The following DLG2 variants were observed in gnomAD, a reference collection of about 807,000 sequenced individuals.
DLG2 encodes discs large MAGUK scaffold protein 2.
Under a neutral mutation model 132.5 loss-of-function variants are expected in DLG2, and 45 were observed. That is an observed-to-expected ratio of 0.34 (90% CI 0.27 to 0.44). The LOEUF (loss-of-function observed/expected upper bound fraction) is 0.44. Ranked by LOEUF, DLG2 falls within the 20% of genes least tolerant of loss-of-function variation. The pLI is 1.00. For missense variants in DLG2, 1,045 were observed against 1,196.9 expected (o/e 0.87, Z 1.87); for synonymous variants, 424 against 419.6 (o/e 1.01, Z -0.13).
chr11:84,373,259 A>AC (rs2098714580), intron 7 of DLG2, among the ~76,000 whole-genome samples: 1 of 99,930 alleles, frequency 1.0e-5, no homozygotes, highest in Non-Finnish European at 2.2e-5. Flanking sequence ...CAAAAAAAAA[A>AC]AAAAACAAAA....
At chr11:85,108,018 A>ACACACACACT (rs1433658075) in intron 6 of DLG2, among the ~76,000 whole-genome samples, 2 of 149,742 alleles carry the variant, frequency 1.3e-5, no homozygotes, top group African/African-American at 4.9e-5. Context: ...ACACACACAC[A>ACACACACACT]CACACACACA....
At chr11:84,209,609 T>C (rs1277845464) in intron 8 of DLG2, among the ~76,000 whole-genome samples, 1 of 80,080 alleles carries the variant, frequency 1.2e-5, no homozygotes, top group Non-Finnish European at 3.7e-5. Context: ...TCTAAGATTG[T>C]TCCAAAATAA....
At chr11:83,663,237 A>G (rs548781177) in intron 18 of DLG2, among the ~76,000 whole-genome samples, 24 of 152,334 alleles carry the variant, frequency 1.6e-4, no homozygotes, top group African/African-American at 4.1e-4. Context: ...TTAAGATTAT[A>G]CAGCAAAGTA....
intron 6 of DLG2, among the ~76,000 whole-genome samples, chr11:84,722,939 T>C (rs2062001096): frequency 6.6e-6 from 1 of 152,316 alleles, no homozygotes; most frequent in South Asian, 2.1e-4. Flanking sequence ...CTAGGTCACA[T>C]TTTAGGAGCA....
chr11:83,843,134 T>TA, intron 16 of DLG2, among the ~76,000 whole-genome samples: 1 of 152,326 alleles, frequency 6.6e-6, no homozygotes, highest in South Asian at 2.1e-4. Context: ...TGACCTCACC[T>TA]ACCTCTCCAC....
intron 6 of DLG2, among the ~76,000 whole-genome samples, chr11:84,792,995 G>C (rs2074079883): frequency 6.6e-6 from 1 of 151,898 alleles, no homozygotes; most frequent in Non-Finnish European, 1.5e-5. Context: ...AGTTCTTGAA[G>C]GTGTATCATT....
chr11:84,674,687 T>C (rs1210745629), intron 6 of DLG2, among the ~76,000 whole-genome samples: 4 of 152,150 alleles, frequency 2.6e-5, no homozygotes, highest in Admixed American at 6.5e-5. Flanking sequence ...TAACCTCTCA[T>C]TGACCTCCTT....
intron 2 of DLG2, among the ~76,000 whole-genome samples, chr11:85,607,416 A>C (rs1280274675): frequency 6.6e-6 from 1 of 152,188 alleles, no homozygotes; most frequent in African/African-American, 2.4e-5. Context: ...TGAAACTCAA[A>C]GTCATGTCGC....
intron 3 of DLG2, among the ~76,000 whole-genome samples, chr11:85,583,122 G>GTATA (rs1355453267): frequency 1.5e-3 from 74 of 49,088 alleles, no homozygotes; most frequent in Non-Finnish European, 2.2e-3. Context: ...GTGTGTGTGT[G>GTATA]TGTGTGTGTA....
At chr11:84,562,207 G>A (rs2099430027) in intron 6 of DLG2, among the ~76,000 whole-genome samples, 1 of 152,082 alleles carries the variant, frequency 6.6e-6, no homozygotes, top group Non-Finnish European at 1.5e-5. Flanking sequence ...CAGAACTGAT[G>A]GCTGTCATAG....
intron 3 of DLG2, among the ~76,000 whole-genome samples, chr11:85,480,867 C>A (rs561148005): frequency 6.6e-4 from 101 of 152,242 alleles, no homozygotes; most frequent in African/African-American, 2.3e-3. Context: ...CTATCCTGCA[C>A]ACATGCAAAA....
At chr11:83,637,627 G>A (rs1020100940) in intron 18 of DLG2, among the ~76,000 whole-genome samples, 2 of 152,068 alleles carry the variant, frequency 1.3e-5, no homozygotes, top group Non-Finnish European at 2.9e-5. Flanking sequence ...TCATGACATT[G>A]GTTATAACAC....
chr11:84,836,697 T>C (rs1307730659), intron 6 of DLG2, among the ~76,000 whole-genome samples: 2 of 151,844 alleles, frequency 1.3e-5, no homozygotes, highest in Non-Finnish European at 2.9e-5. Flanking sequence ...CAGTGCTGAT[T>C]GCAATATAAG....
intron 10 of DLG2, among the ~76,000 whole-genome samples, chr11:84,068,575 AT>A (rs2096712535): frequency 6.6e-6 from 1 of 152,234 alleles, no homozygotes; most frequent in South Asian, 2.1e-4. Flanking sequence ...AATCAGTTGA[AT>A]TTCAATTTCA....
chr11:84,214,063 C>A (rs1008941569), intron 8 of DLG2, among the ~76,000 whole-genome samples: 1 of 151,058 alleles, frequency 6.6e-6, no homozygotes, highest in Non-Finnish European at 1.5e-5. Flanking sequence ...CTTACTCTTT[C>A]TTTTCCTTAA....
In DLG2 at chr11:84,733,436, C is replaced by A. The variant is rs188606382; in HGVS notation, c.358-198705G>T. Among the ~76,000 whole-genome samples, 232 of 152,282 alleles carry A rather than the reference C, an allele frequency of 1.5e-3. 2 individuals are homozygous for A. The highest frequency in any genetic ancestry group is 5.4e-3 in the African/African-American group (224 of 41,560). On this transcript the variant is annotated intron_variant, in intron 6 of 27. Transcript: ENST00000376104. ...CTGTGTCTGTTGGCTGCATAAATGTCTTCTTTTGAGAAGTGTCTATTCACA... is the reference window on the plus strand; with the variant it reads ...CTGTGTCTGTTGGCTGCATAAATGTATTCTTTTGAGAAGTGTCTATTCACA...
At chr11:85,182,870 T>C (rs2079814376) in intron 4 of DLG2, among the ~76,000 whole-genome samples, 1 of 145,628 alleles carries the variant, frequency 6.9e-6, no homozygotes. Flanking sequence ...ATAATGTGGG[T>C]TGAGATTTAT....
At chr11:84,330,240 T>C (rs988758674) in intron 7 of DLG2, among the ~76,000 whole-genome samples, 60 of 152,228 alleles carry the variant, frequency 3.9e-4, no homozygotes, top group African/African-American at 1.4e-3. Flanking sequence ...TTCAACTGAA[T>C]GTCAGGATTC....
At chr11:85,574,990 C>A (rs1271308090) in intron 3 of DLG2, among the ~76,000 whole-genome samples, 1 of 152,120 alleles carries the variant, frequency 6.6e-6, no homozygotes, top group African/African-American at 2.4e-5. Flanking sequence ...ATAACTATTT[C>A]TCACCTGGAA....
Sources: gnomAD v4.1 joint callset for allele counts (sites outside exome capture counted in the v4.1 genomes callset) on GRCh38, gnomAD v4.1.1 for gene constraint, MANE v1.5 for transcripts, NCBI Gene and HGNC (gene_info 2026-07-23, HGNC 2026-07-21) for gene names.